Variants in LPP observed in about 807,000 individuals in gnomAD.
The protein encoded by LPP is lipoma-preferred partner.
Under a neutral mutation model 60.4 loss-of-function variants are expected in LPP, and 38 were observed. The ratio of observed to expected loss-of-function variants is 0.63; its 90% confidence interval spans 0.49 to 0.83. LPP has a LOEUF of 0.83. Ranked by LOEUF, LPP falls within the 40% of genes least tolerant of loss-of-function variation. The pLI is 0.00. For missense variants in LPP, 902 were observed against 783.6 expected, an observed-to-expected ratio of 1.15 and a Z score of -1.80; for synonymous variants, 328 against 290.8, an observed-to-expected ratio of 1.13 and a Z score of -1.30.
chr3:188,750,600 T>C (rs1381398416), intron 8 of LPP, among the ~76,000 whole-genome samples: 1 of 152,070 alleles, frequency 6.6e-6, no homozygotes, highest in Non-Finnish European at 1.5e-5. Flanking sequence ...ACCACTGCAC[T>C]CCAACCTGGG....
chr3:188,852,481 G>C (rs934705360), intron 9 of LPP, among the ~76,000 whole-genome samples: 2 of 152,244 alleles, frequency 1.3e-5, no homozygotes, highest in Admixed American at 1.3e-4. Context: ...GGTATAATAA[G>C]AGATGATTAG....
chr3:188,602,177 T>TATATATAATATATATATATA (rs1491363629), intron 6 of LPP, among the ~76,000 whole-genome samples: 2 of 115,284 alleles, frequency 1.7e-5, no homozygotes, highest in African/African-American at 6.3e-5. Flanking sequence ...ATATATATAT[T>TATATATAATATATATATATA]ATATATATAT....
Position 188,714,202 on chromosome 3 carries a change from G to A in LPP, c.1240+5809G>A, listed in dbSNP as rs79943348. ...TCATAATACATTACCATTACAGAAA[G>A]GTATATAAATGCTGTTCCTGCTGAA... On this transcript the variant is annotated intron_variant, in intron 8 of 11. Coordinates refer to ENST00000617246, the MANE Select transcript of LPP (RefSeq NM_001375462.1). Among the ~76,000 whole-genome samples, 9 of 152,190 alleles carry A rather than the reference G, an allele frequency of 5.9e-5. No individual in the cohort carries two copies. The South Asian group carries it at 1.9e-3, about 32-fold the overall frequency.
At chr3:188,611,397 C>T (rs1053354840) in intron 7 of LPP, among the ~76,000 whole-genome samples, 7 of 152,144 alleles carry the variant, frequency 4.6e-5, no homozygotes, top group Admixed American at 6.5e-5. Context: ...TTGTTAATGT[C>T]GCAGTATATT....
At chr3:188,162,462 G>A (rs75486938) in intron 1 of LPP, among the ~76,000 whole-genome samples, 3,000 of 152,288 alleles carry the variant, frequency 0.02, 45 homozygotes, top group South Asian at 0.034. Context: ...GTACTAATTA[G>A]TAGCATTAGG....
chr3:188,592,367 CAT>C (rs1491332309), intron 6 of LPP, among the ~76,000 whole-genome samples: 2 of 151,766 alleles, frequency 1.3e-5, no homozygotes, highest in South Asian at 2.1e-4. Context: ...CACACACACA[CAT>C]ACACACAGTC....
chr3:188,445,023 T>G (rs1794887171), intron 4 of LPP, among the ~76,000 whole-genome samples: 1 of 152,226 alleles, frequency 6.6e-6, no homozygotes, highest in Non-Finnish European at 1.5e-5. Context: ...ATAAGAATGC[T>G]TTTACACTGT....
chr3:188,652,334 T>C (rs1852257209), intron 7 of LPP, among the ~76,000 whole-genome samples: 1 of 152,164 alleles, frequency 6.6e-6, no homozygotes, highest in Non-Finnish European at 1.5e-5. Context: ...TCAACTTTCC[T>C]TGGAGGTTTC....
intron 7 of LPP, among the ~76,000 whole-genome samples, chr3:188,645,005 A>G (rs925563324): frequency 1.3e-5 from 2 of 152,226 alleles, no homozygotes; most frequent in Admixed American, 1.3e-4. Flanking sequence ...TTGTTTGCAA[A>G]ATGGTACGAT....
At chr3:188,750,692 T>C (rs1296611458) in intron 8 of LPP, among the ~76,000 whole-genome samples, 1 of 152,208 alleles carries the variant, frequency 6.6e-6, no homozygotes, top group East Asian at 1.9e-4. Context: ...CACTCTTTTT[T>C]GTCTGCTTTC....
At chr3:188,831,753 G>A (rs759341164) in intron 9 of LPP, among the ~76,000 whole-genome samples, 2 of 152,192 alleles carry the variant, frequency 1.3e-5, no homozygotes, top group African/African-American at 2.4e-5. Context: ...AGAACTGGAT[G>A]AGAACCCAAG....
chr3:188,806,881 A>G (rs1479423981), intron 9 of LPP, among the ~76,000 whole-genome samples: 2 of 151,946 alleles, frequency 1.3e-5, no homozygotes, highest in Non-Finnish European at 2.9e-5. Flanking sequence ...CTATAAATAC[A>G]CAGCACATTG....
rs1448664224 is a variant in LPP at position 188,875,190 on chromosome 3, C to G, written c.*711C>G. ...CAGACAACCAAGCTTCAATATTTTT[C>G]TAAAGAAATTACAGGTGGGATATGC... On this transcript the variant is annotated 3_prime_UTR_variant, in exon 12 of 12. Transcript: ENST00000617246. 2.3e-5 allele frequency: 5 copies of G among 217,550 alleles called. No individual in the cohort carries two copies. The allele number at this position is 217,550 out of a possible 1,614,324, so 13.5% of individuals were successfully genotyped here. A position where few individuals can be genotyped will look rare whatever the true frequency, so the allele number is the denominator to read the frequency against.
At chr3:188,873,960 C>T (rs1441050655) in intron 11 of LPP, among the ~76,000 whole-genome samples, 2 of 152,028 alleles carry the variant, frequency 1.3e-5, no homozygotes, top group Admixed American at 1.3e-4. Flanking sequence ...TTGAGAGATC[C>T]TTAAACTAAT....
chr3:188,744,255 T>C (rs982983553), intron 8 of LPP, among the ~76,000 whole-genome samples: 1 of 152,174 alleles, frequency 6.6e-6, no homozygotes, highest in Non-Finnish European at 1.5e-5. Flanking sequence ...CTGGAAGCTG[T>C]AGAAAATCTG....
intron 4 of LPP, among the ~76,000 whole-genome samples, chr3:188,416,860 C>T (rs1786425601): frequency 6.6e-6 from 1 of 152,080 alleles, no homozygotes; most frequent in Admixed American, 6.6e-5. Flanking sequence ...GAAATCTCAG[C>T]CAATTTTGGG....
intron 4 of LPP, among the ~76,000 whole-genome samples, chr3:188,470,249 T>G (rs1196642811): frequency 6.7e-6 from 1 of 148,576 alleles, no homozygotes; most frequent in Non-Finnish European, 1.5e-5. Flanking sequence ...ATTTCAATCT[T>G]TCAACCTCTC....
intron 1 of LPP, among the ~76,000 whole-genome samples, chr3:188,200,867 A>G (rs1489134860): frequency 6.6e-6 from 1 of 152,206 alleles, no homozygotes; most frequent in Non-Finnish European, 1.5e-5. Context: ...TGAAATACTT[A>G]ATGTTTATAA....
At chr3:188,817,486 A>G (rs567055767) in intron 9 of LPP, among the ~76,000 whole-genome samples, 7 of 152,364 alleles carry the variant, frequency 4.6e-5, no homozygotes, top group East Asian at 1.9e-4. Context: ...AATGGATATA[A>G]CAAACTGGAT....
Sources: gnomAD v4.1 joint callset for allele counts (sites outside exome capture counted in the v4.1 genomes callset) on GRCh38, gnomAD v4.1.1 for gene constraint, MANE v1.5 for transcripts, NCBI Gene and HGNC (gene_info 2026-07-23, HGNC 2026-07-21) for gene names.